The following VAV1 variants were observed in gnomAD, a reference collection of about 807,000 sequenced individuals.
The protein encoded by VAV1 is vav guanine nucleotide exchange factor 1, also known as proto-oncogene vav.
Under a neutral mutation model 128.1 loss-of-function variants are expected in VAV1, and 33 were observed. That is an observed-to-expected ratio of 0.26 (90% CI 0.20 to 0.34). VAV1 has a LOEUF of 0.34. Ranked by LOEUF, VAV1 falls within the 10% of genes least tolerant of loss-of-function variation. The pLI is 1.00. For missense variants in VAV1, 715 were observed against 1,093.7 expected (o/e 0.65, Z 4.88); for synonymous variants, 394 against 409.8 (o/e 0.96, Z 0.47).
At chr19:6,840,145 A>G (rs1972333737) in intron 21 of VAV1, among the ~76,000 whole-genome samples, 1 of 152,170 alleles carries the variant, frequency 6.6e-6, no homozygotes, top group South Asian at 2.1e-4. Flanking sequence ...CCAGCCCCTG[A>G]CATTCACATT....
At chr19:6,825,228 G>C (rs1051971593) in intron 7 of VAV1, 75 bp from the exon 8 acceptor site, 8 of 1,576,232 alleles carry the variant, frequency 5.1e-6, no homozygotes, top group Non-Finnish European at 6.9e-6. Context: ...GCATGGGGCG[G>C]GTGGATGACC....
chr19:6,813,660 G>A (rs931747554), intron 1 of VAV1, among the ~76,000 whole-genome samples: 10 of 152,092 alleles, frequency 6.6e-5, no homozygotes, highest in Non-Finnish European at 1.5e-4. Context: ...CAAATCTTAG[G>A]ATTTGTATGT....
intron 26 of VAV1, among the ~76,000 whole-genome samples, chr19:6,855,535 G>A (rs375807153): frequency 2.6e-5 from 4 of 151,064 alleles, no homozygotes; most frequent in East Asian, 3.9e-4. Context: ...TTCCACTCAC[G>A]CATCTATCTA....
chr19:6,800,766 C>A (rs548273582), intron 1 of VAV1, among the ~76,000 whole-genome samples: 2 of 148,208 alleles, frequency 1.3e-5, no homozygotes, highest in African/African-American at 5.0e-5. Flanking sequence ...GGATTACAGG[C>A]GCCTGTCACC....
At chr19:6,835,391 G>C (rs1254123980) in intron 19 of VAV1, among the ~76,000 whole-genome samples, 2 of 152,104 alleles carry the variant, frequency 1.3e-5, no homozygotes, top group Admixed American at 1.3e-4. Context: ...GAACTGCACT[G>C]TGTAATATAA....
chr19:6,787,752 C>T (rs1000014023), intron 1 of VAV1, among the ~76,000 whole-genome samples: 1 of 151,976 alleles, frequency 6.6e-6, no homozygotes, highest in African/African-American at 2.4e-5. Flanking sequence ...TGTGCGTCAC[C>T]ATGCCCAACT....
chr19:6,834,460 T>A (rs1341009859), intron 19 of VAV1, among the ~76,000 whole-genome samples: 4 of 151,482 alleles, frequency 2.6e-5, no homozygotes, highest in African/African-American at 9.7e-5. Flanking sequence ...GGCAGGCTGG[T>A]CTCGAACTCT....
intron 2 of VAV1, 33 bp from the exon 3 acceptor site, chr19:6,821,589 G>A (rs771999820): frequency 1.2e-6 from 2 of 1,613,874 alleles, no homozygotes; most frequent in South Asian, 2.2e-5. Context: ...GGGTGTACAA[G>A]GGGCTCACTG....
At chr19:6,808,612 C>T (rs1971449644) in intron 1 of VAV1, among the ~76,000 whole-genome samples, 2 of 152,200 alleles carry the variant, frequency 1.3e-5, no homozygotes, top group Non-Finnish European at 2.9e-5. Flanking sequence ...CAAGAATACT[C>T]ATCACCATAC....
At chr19:6,852,912 C>G in intron 24 of VAV1, 53 bp from the exon 25 acceptor site, 2 of 1,487,390 alleles carry the variant, frequency 1.3e-6, no homozygotes, top group Admixed American at 3.4e-5. Context: ...TAGCTCTGCC[C>G]CCTTATGGGC....
rs181688912 is a variant in VAV1 at position 6,817,219 on chromosome 19, T to G, written c.205-3483T>G. Among the ~76,000 whole-genome samples the G allele has an allele frequency of 1.1e-3, 167 of 151,876 alleles. 1 individual carries two copies. Among genetic ancestry groups the G allele is most frequent in the African/African-American group, 3.9e-3 (162 of 41,428 alleles). ...CCCGCCACCATGCCTGGCTAATTTTTTTTGTTTGTTTTTTTGGTATTTTTA... is the reference window on the plus strand; with the variant it reads ...CCCGCCACCATGCCTGGCTAATTTTGTTTGTTTGTTTTTTTGGTATTTTTA... On this transcript the variant is annotated intron_variant, in intron 1 of 26. Coordinates refer to ENST00000602142, the MANE Select transcript of VAV1 (RefSeq NM_005428.4).
At chr19:6,789,039 G>C (rs907480088) in intron 1 of VAV1, among the ~76,000 whole-genome samples, 9 of 152,302 alleles carry the variant, frequency 5.9e-5, no homozygotes, top group African/African-American at 2.2e-4. Context: ...TTTCACACAA[G>C]TAGCACCTCT....
intron 22 of VAV1, among the ~76,000 whole-genome samples, chr19:6,847,134 G>A (rs895375983): frequency 6.6e-6 from 1 of 152,020 alleles, no homozygotes; most frequent in African/African-American, 2.4e-5. Flanking sequence ...GGCTGGTCTC[G>A]AACTCCTGAC....
At chr19:6,815,077 A>G (rs889083208) in intron 1 of VAV1, among the ~76,000 whole-genome samples, 3 of 152,110 alleles carry the variant, frequency 2.0e-5, no homozygotes, top group African/African-American at 7.2e-5. Context: ...TTGGGCGAGC[A>G]ACAGAATCTA....
At chr19:6,827,486 G>A (rs1971946041) in intron 9 of VAV1, among the ~76,000 whole-genome samples, 1 of 152,002 alleles carries the variant, frequency 6.6e-6, no homozygotes, top group African/African-American at 2.4e-5. Flanking sequence ...TGTTATCCAG[G>A]GTGGTCTCAA....
chr19:6,789,780 G>A (rs1246828196), intron 1 of VAV1, among the ~76,000 whole-genome samples: 2 of 151,692 alleles, frequency 1.3e-5, no homozygotes, highest in Non-Finnish European at 2.9e-5. Context: ...GTATTTTTTA[G>A]TAGAGAAGGG....
At chr19:6,840,949 T>C (rs1972360189) in intron 21 of VAV1, among the ~76,000 whole-genome samples, 1 of 152,038 alleles carries the variant, frequency 6.6e-6, no homozygotes, top group Non-Finnish European at 1.5e-5. Flanking sequence ...AGCTAATTTT[T>C]GTATTTTTAG....
In VAV1 at chr19:6,828,655, GACA is replaced by G; in HGVS notation, c.1129_1131del (p.Asn377del). On this transcript the variant is annotated inframe_deletion, in exon 12 of 27. Transcript: ENST00000602142. This position sits in a 1 kb window ranked among gnomAD's most constrained non-coding sequence, Gnocchi z 4.5. ...TCAGTGCGTGAACGAGGTCAAGCGA[GACA>G]ACGAGACACTGCGACAGATCACCAA... 1 of 1,614,156 alleles carries G rather than the reference GACA, an allele frequency of 6.2e-7. No individual in the cohort carries two copies.
intron 2 of VAV1, 111 bp from the exon 3 acceptor site, chr19:6,821,511 C>A: frequency 2.3e-6 from 3 of 1,296,806 alleles, no homozygotes; most frequent in Admixed American, 1.7e-5. Context: ...CTGAATTAGG[C>A]TTCCAAGAGG....
Sources: gnomAD v4.1 joint callset for allele counts (sites outside exome capture counted in the v4.1 genomes callset) on GRCh38, gnomAD v4.1.1 for gene constraint, Gnocchi (gnomAD v3.1) non-coding constraint, MANE v1.5 for transcripts, NCBI Gene and HGNC (gene_info 2026-07-23, HGNC 2026-07-21) for gene names.